ICA1: variants seen among roughly 807,000 people sequenced by gnomAD.
ICA1 encodes the protein 69 kDa islet cell autoantigen.
In ICA1, 40 loss-of-function variants were observed where a neutral mutation model predicts 71.0. The observed-to-expected ratio is 0.56, with a 90% CI of 0.44 to 0.73. The LOEUF is 0.73. ICA1 is among the 30% of genes least tolerant of loss of function. The pLI is 0.00. For synonymous variants in ICA1, 207 were observed against 209.5 expected, an observed-to-expected ratio of 0.99 and a Z score of 0.10; for missense variants, 578 against 576.5, an observed-to-expected ratio of 1.00 and a Z score of -0.03.
chr7:8,251,065 T>TA (rs1052450127), intron 1 of ICA1, among the ~76,000 whole-genome samples: 21 of 152,106 alleles, frequency 1.4e-4, no homozygotes, highest in African/African-American at 4.8e-4. Flanking sequence ...TAGGCCCAGC[T>TA]AATTTTTTTA....
At chr7:8,151,110 C>T (rs1193308867) in intron 8 of ICA1, among the ~76,000 whole-genome samples, 1 of 152,248 alleles carries the variant, frequency 6.6e-6, no homozygotes, top group African/African-American at 2.4e-5. Context: ...ACAATCCCAA[C>T]CTTGGCACAC....
intron 6 of ICA1, among the ~76,000 whole-genome samples, chr7:8,185,443 T>TA (rs1783606915): frequency 6.6e-6 from 1 of 152,212 alleles, no homozygotes; most frequent in Non-Finnish European, 1.5e-5. Flanking sequence ...TATGCTTACT[T>TA]ACGCTCAGTG....
At chr7:8,233,191 GGCT>G (rs1279841982) in intron 2 of ICA1, among the ~76,000 whole-genome samples, 1 of 152,164 alleles carries the variant, frequency 6.6e-6, no homozygotes, top group Non-Finnish European at 1.5e-5. Context: ...AGAGATAAGA[GGCT>G]GAAGAACAGC....
intron 6 of ICA1, among the ~76,000 whole-genome samples, chr7:8,171,623 G>A (rs1355385320): frequency 1.3e-5 from 2 of 151,614 alleles, no homozygotes; most frequent in Non-Finnish European, 3.0e-5. Flanking sequence ...GGTTTCATTT[G>A]CCCCTGCTCT....
intron 6 of ICA1, among the ~76,000 whole-genome samples, chr7:8,184,264 G>T (rs1010502680): frequency 1.3e-5 from 2 of 152,172 alleles, no homozygotes; most frequent in African/African-American, 4.8e-5. Flanking sequence ...TGTCTCTGTA[G>T]AGTAATATGG....
At chr7:8,210,096 T>C (rs1381594283) in intron 6 of ICA1, among the ~76,000 whole-genome samples, 1 of 152,138 alleles carries the variant, frequency 6.6e-6, no homozygotes, top group Non-Finnish European at 1.5e-5. Flanking sequence ...CATGATCACT[T>C]TATGTTACAG....
chr7:8,141,895 A>G, intron 9 of ICA1, 78 bp from the exon 10 acceptor site: 1 of 1,344,706 alleles, frequency 7.4e-7, no homozygotes, highest in South Asian at 1.3e-5. Context: ...TCAGTACAAT[A>G]TTACTTCACT....
At chr7:8,184,392 A>G (rs963122991) in intron 6 of ICA1, among the ~76,000 whole-genome samples, 2 of 152,206 alleles carry the variant, frequency 1.3e-5, no homozygotes, top group African/African-American at 2.4e-5. Context: ...AATAAGACGC[A>G]ATGTGCTCAA....
At chr7:8,162,782 G>C (rs1002380951) in intron 6 of ICA1, among the ~76,000 whole-genome samples, 2 of 152,038 alleles carry the variant, frequency 1.3e-5, no homozygotes, top group African/African-American at 2.4e-5. Flanking sequence ...TATTTATTTA[G>C]AGATGGAGTC....
intron 3 of ICA1, among the ~76,000 whole-genome samples, chr7:8,230,350 C>A (rs1019316894): frequency 6.6e-6 from 1 of 152,214 alleles, no homozygotes; most frequent in Admixed American, 6.5e-5. Flanking sequence ...AAGAATAAAA[C>A]TTCTTGGTTT....
At chr7:8,169,580 A>G (rs1054221065) in intron 6 of ICA1, among the ~76,000 whole-genome samples, 1 of 152,042 alleles carries the variant, frequency 6.6e-6, no homozygotes, top group Admixed American at 6.6e-5. Flanking sequence ...TGTGATTTTA[A>G]TTTGCATTTC....
chr7:8,230,745 G>A (rs900940171), intron 3 of ICA1, among the ~76,000 whole-genome samples: 4 of 152,070 alleles, frequency 2.6e-5, no homozygotes, highest in Non-Finnish European at 4.4e-5. Flanking sequence ...TATAACAATC[G>A]AAACAGATGC....
intron 4 of ICA1, among the ~76,000 whole-genome samples, chr7:8,228,187 T>G (rs1334501374): frequency 1.3e-5 from 2 of 152,276 alleles, no homozygotes; most frequent in Non-Finnish European, 2.9e-5. Flanking sequence ...AAAACATTCA[T>G]GAAGAAATGT....
At chr7:8,212,770 G>C (rs1348252640) in intron 6 of ICA1, among the ~76,000 whole-genome samples, 2 of 152,288 alleles carry the variant, frequency 1.3e-5, no homozygotes, top group East Asian at 3.9e-4. Context: ...CCAGTCAGGA[G>C]CAGCAGCCAG....
rs139805199 is a variant in ICA1, at chr7:8,178,991, A to G, written c.580-20339T>C. 1.1e-4 allele frequency among the ~76,000 whole-genome samples: 17 copies of G among 152,316 alleles called. No individual in the cohort carries two copies. In the East Asian group the frequency reaches 3.3e-3, roughly 29 times the overall value. ...GTTGTCGCTATGGACAAAGTTCTCT[A>G]CAATGGAATCTGAGCAGAAGTAAAC... is the stretch of plus-strand genomic sequence containing the variant. On this transcript the variant is annotated intron_variant, in intron 6 of 13. Transcript: ENST00000402384.
At chr7:8,165,970 T>G (rs1805804584) in intron 6 of ICA1, among the ~76,000 whole-genome samples, 1 of 152,162 alleles carries the variant, frequency 6.6e-6, no homozygotes, top group South Asian at 2.1e-4. Flanking sequence ...TCAATGCTAT[T>G]CCTATAAAAC....
intron 6 of ICA1, among the ~76,000 whole-genome samples, chr7:8,194,327 A>G (rs1786688576): frequency 6.6e-6 from 1 of 152,340 alleles, no homozygotes; most frequent in East Asian, 1.9e-4. Context: ...GACTTACAGA[A>G]GCAGCCAAAA....
At chr7:8,219,155 T>C (rs897313150) in intron 5 of ICA1, among the ~76,000 whole-genome samples, 1 of 152,228 alleles carries the variant, frequency 6.6e-6, no homozygotes, top group African/African-American at 2.4e-5. Flanking sequence ...ATTATTATAA[T>C]GTTGGCTATA....
intron 8 of ICA1, among the ~76,000 whole-genome samples, chr7:8,151,603 G>C (rs1798833786): frequency 6.6e-6 from 1 of 152,194 alleles, no homozygotes; most frequent in Non-Finnish European, 1.5e-5. Flanking sequence ...AACTAAAATA[G>C]CATTGCAGGG....
Sources: allele counts gnomAD v4.1 joint callset (sites outside exome capture counted in the v4.1 genomes callset), GRCh38; gene constraint gnomAD v4.1.1; transcripts MANE v1.5; gene names NCBI Gene and HGNC (gene_info 2026-07-23, HGNC 2026-07-21).